TRHDE: variants seen among roughly 807,000 people sequenced by gnomAD.
TRHDE encodes thyrotropin releasing hormone degrading enzyme.
Under a neutral mutation model 125.7 loss-of-function variants are expected in TRHDE, and 72 were observed. The ratio of observed to expected loss-of-function variants is 0.57; its 90% CI spans 0.47 to 0.70. The LOEUF (loss-of-function observed/expected upper bound fraction) is 0.70, where lower values mean the gene tolerates loss of function less well. TRHDE is among the 30% of genes least tolerant of loss of function. The probability of loss-of-function intolerance (pLI) is 0.00; values close to 1 mark genes in which losing one functional copy is unlikely to be tolerated. For missense variants in TRHDE, 1,110 were observed against 1,327.1 expected, an observed-to-expected ratio of 0.84 and a Z score of 2.54; for synonymous variants, 509 against 509.1, an observed-to-expected ratio of 1.00 and a Z score of 0.00.
chr12:72,315,282 A>C (rs1471795643), intron 2 of TRHDE, among the ~76,000 whole-genome samples: 1 of 152,234 alleles, frequency 6.6e-6, no homozygotes, highest in Non-Finnish European at 1.5e-5. Context: ...TTTTAAAGTG[A>C]TAACTAAGGA....
chr12:72,520,965 A>C (rs927354039), intron 6 of TRHDE, among the ~76,000 whole-genome samples: 5 of 152,172 alleles, frequency 3.3e-5, no homozygotes, highest in African/African-American at 1.2e-4. Context: ...ATGCAATTTA[A>C]ACTTTAAGCT....
intron 15 of TRHDE, among the ~76,000 whole-genome samples, chr12:72,622,422 G>C (rs1323118256): frequency 6.6e-6 from 1 of 151,904 alleles, no homozygotes; most frequent in Non-Finnish European, 1.5e-5. Flanking sequence ...GCCTTCTTAA[G>C]GTACCTTTAT....
chr12:72,321,766 G>A (rs763065353), intron 2 of TRHDE, among the ~76,000 whole-genome samples: 1 of 152,114 alleles, frequency 6.6e-6, no homozygotes, highest in Non-Finnish European at 1.5e-5. Context: ...AAGTACAAAA[G>A]TAGCAGTATT....
intron 2 of TRHDE, among the ~76,000 whole-genome samples, chr12:72,230,915 T>G (rs922170539): frequency 1.3e-5 from 2 of 152,208 alleles, no homozygotes; most frequent in Non-Finnish European, 2.9e-5. Flanking sequence ...TCTGTTTTCA[T>G]TCGCTGTGTA....
chr12:72,573,631 T>C (rs1353821453), intron 10 of TRHDE, among the ~76,000 whole-genome samples: 2 of 151,952 alleles, frequency 1.3e-5, no homozygotes, highest in Admixed American at 1.3e-4. Context: ...AGACAAGAAT[T>C]TAGCTTTTCT....
intron 12 of TRHDE, among the ~76,000 whole-genome samples, chr12:72,617,880 C>T (rs1872886783): frequency 6.6e-6 from 1 of 152,130 alleles, no homozygotes; most frequent in South Asian, 2.1e-4. Flanking sequence ...CCCTCATGAC[C>T]TAATCACTAC....
At chr12:72,332,545 C>T (rs866764193) in intron 2 of TRHDE, among the ~76,000 whole-genome samples, 1 of 152,312 alleles carries the variant, frequency 6.6e-6, no homozygotes, top group African/African-American at 2.4e-5. Context: ...AATCACCTCC[C>T]ACCAGGCCCA....
At chr12:72,538,865 C>T (rs1565782877) in intron 6 of TRHDE, among the ~76,000 whole-genome samples, 3 of 151,898 alleles carry the variant, frequency 2.0e-5, no homozygotes, top group African/African-American at 4.8e-5. Context: ...AGTTAAGTCC[C>T]GACTTTTTTG....
At chr12:72,117,967 T>C (rs776727350) in intron 2 of TRHDE, among the ~76,000 whole-genome samples, 15 of 152,076 alleles carry the variant, frequency 9.9e-5, no homozygotes, top group Non-Finnish European at 2.1e-4. Context: ...CTAATGGTTT[T>C]CTTGTGGAGT....
intron 3 of TRHDE, among the ~76,000 whole-genome samples, chr12:72,382,372 A>T (rs1008319613): frequency 4.6e-5 from 7 of 151,952 alleles, no homozygotes; most frequent in African/African-American, 1.7e-4. Context: ...GTGAGTGAAG[A>T]TCACATGTTG....
At chr12:72,264,963 G>A (rs1442934959) in intron 2 of TRHDE, among the ~76,000 whole-genome samples, 1 of 150,320 alleles carries the variant, frequency 6.7e-6, no homozygotes, top group African/African-American at 2.4e-5. Context: ...TCAAGCAGCT[G>A]GTTATTTTCA....
rs456961 is a variant in TRHDE at position 72,657,979 on chromosome 12, G to A, written c.3066+971G>A. On this transcript the variant is annotated intron_variant, in intron 18 of 18. Transcript: ENST00000261180. ...TAACCACACTGAGCACCATTCCCTA[G>A]AAGCATCAACCCTGGCACCATCCTT... Among the ~76,000 whole-genome samples the A allele has an allele frequency of 2.6e-5, 4 of 152,208 alleles. No individual in the cohort carries two copies. In the South Asian group the frequency reaches 8.3e-4, roughly 32 times the overall value.
chr12:72,402,795 T>G (rs1056830141), intron 3 of TRHDE, among the ~76,000 whole-genome samples: 1 of 152,126 alleles, frequency 6.6e-6, no homozygotes, highest in Non-Finnish European at 1.5e-5. Context: ...AGGGCACAAC[T>G]TTTTTGTCCT....
intron 5 of TRHDE, among the ~76,000 whole-genome samples, chr12:72,495,123 T>G (rs191313248): frequency 1.4e-4 from 20 of 144,332 alleles, no homozygotes; most frequent in Non-Finnish European, 2.1e-4. Flanking sequence ...TAGTTATCTC[T>G]GAGTATTTCC....
Position 72,465,402 on chromosome 12 carries a change from A to G in TRHDE, c.1316-4356A>G, listed in dbSNP as rs116808547. Among the ~76,000 whole-genome samples the G allele has an allele frequency of 3.2e-3, 490 of 152,300 alleles. 1 individual carries two copies. Among genetic ancestry groups the G allele is most frequent in the African/African-American group, 0.011 (455 of 41,570 alleles). ...CATCTTTGTCCCCAGGCAACCTCTG[A>G]TGTGCTTTCTGACTCTATAGATTAG... On this transcript the variant is annotated intron_variant, in intron 3 of 18. Coordinates refer to ENST00000261180, the MANE Select transcript of TRHDE (RefSeq NM_013381.3).
At chr12:72,430,357 A>G (rs1325828074) in intron 3 of TRHDE, among the ~76,000 whole-genome samples, 1 of 145,718 alleles carries the variant, frequency 6.9e-6, no homozygotes, top group African/African-American at 2.5e-5. Flanking sequence ...ATGTATACAT[A>G]TATACATATA....
intron 8 of TRHDE, among the ~76,000 whole-genome samples, chr12:72,562,571 T>C (rs1870230743): frequency 6.6e-6 from 1 of 151,950 alleles, no homozygotes; most frequent in Admixed American, 6.6e-5. Context: ...CTAGACATGA[T>C]GGGAATAATT....
intron 3 of TRHDE, among the ~76,000 whole-genome samples, chr12:72,379,343 A>G (rs1872041339): frequency 6.6e-6 from 1 of 152,242 alleles, no homozygotes; most frequent in South Asian, 2.1e-4. Flanking sequence ...TTTTATTTTA[A>G]ACCGGATCAA....
intron 3 of TRHDE, among the ~76,000 whole-genome samples, chr12:72,441,120 G>C (rs1874989900): frequency 6.6e-6 from 1 of 151,414 alleles, no homozygotes; most frequent in Non-Finnish European, 1.5e-5. Context: ...AGATGATAAG[G>C]GCTTAATGAA....
Sources: gnomAD v4.1 joint callset for allele counts (sites outside exome capture counted in the v4.1 genomes callset) on GRCh38, gnomAD v4.1.1 for gene constraint, MANE v1.5 for transcripts, NCBI Gene and HGNC (gene_info 2026-07-23, HGNC 2026-07-21) for gene names.